The following TECPR1 variants were observed in gnomAD, a reference collection of about 807,000 sequenced individuals.
TECPR1 encodes tectonin beta-propeller repeat-containing protein 1.
A neutral mutation model predicts 162.4 loss-of-function variants in TECPR1; 122 were observed. That is an observed-to-expected ratio of 0.75 (90% confidence interval 0.65 to 0.87). The LOEUF is 0.87. Among genes scored for constraint, TECPR1 ranks in the 40% least tolerant of loss-of-function variants. The pLI is 0.00. For synonymous variants in TECPR1, 642 were observed against 670.6 expected, an observed-to-expected ratio of 0.96 and a Z score of 0.66; for missense variants, 1,432 against 1,618.2, an observed-to-expected ratio of 0.88 and a Z score of 1.97.
intron 22 of TECPR1, 54 bp downstream of exon 22, chr7:98,222,332 A>C: frequency 1.3e-6 from 2 of 1,574,430 alleles, no homozygotes; most frequent in Non-Finnish European, 1.7e-6. Context: ...TTCAGCAAAC[A>C]TCAGCTTGGA....
rs751773496 is a variant in TECPR1, at chr7:98,233,516, T to A, written c.1577A>T (p.Tyr526Phe). The change falls in exon 11 of 26, where the codon TAT becomes TTT. Residue 526 changes from tyrosine to phenylalanine, a missense_variant. Transcript: ENST00000447648. ...CCACAGCGGGTGGTCATCCACCCCATACGGCTCCTCCAAGCCCAGTGGGAG... is the reference window on the plus strand; with the variant it reads ...CCACAGCGGGTGGTCATCCACCCCAAACGGCTCCTCCAAGCCCAGTGGGAG... ...GLLPLGLEEP[Y>F]GVDDHPLWAW... 185 of 1,563,652 alleles carry A rather than the reference T, an allele frequency of 1.2e-4. 1 individual carries two copies. The highest frequency in any genetic ancestry group is 1.5e-4 in the Non-Finnish European group (176 of 1,158,770).
At position 98,231,236 on chromosome 7, in the gene TECPR1, G is replaced by A. The variant is rs1174531259; in HGVS notation, c.2112C>T (p.Asp704=). 3 of 1,612,650 alleles carry A rather than the reference G, an allele frequency of 1.9e-6. No homozygotes were observed. The East Asian group carries it at 6.7e-5, about 36-fold the overall frequency. ...ACCGACCACTCACCCAGTCATTCATGTCCTGCTCGGTGGCAGCAGCCAGAC... is the reference window on the plus strand; with the variant it reads ...ACCGACCACTCACCCAGTCATTCATATCCTGCTCGGTGGCAGCAGCCAGAC... ...PVRLAAATEQ[D]MNDWLALLSL... Residue 704 remains aspartate, a synonymous_variant, in exon 14 of 26, where the codon GAC becomes GAT. Coordinates refer to ENST00000447648, the MANE Select transcript of TECPR1 (RefSeq NM_015395.3).
chr7:98,221,110 T>G (rs2116532170), intron 23 of TECPR1, among the ~76,000 whole-genome samples: 1 of 151,184 alleles, frequency 6.6e-6, no homozygotes, highest in East Asian at 2.0e-4. Context: ...GAGACCAGCC[T>G]GGCCAATATG....
At chr7:98,239,827 C>A (rs1798700342) in intron 8 of TECPR1, among the ~76,000 whole-genome samples, 1 of 151,636 alleles carries the variant, frequency 6.6e-6, no homozygotes, top group Non-Finnish European at 1.5e-5. Context: ...AACCCTGTGA[C>A]TGGCCAGGCA....
At position 98,233,759 on chromosome 7, in the gene TECPR1, G is replaced by A. The variant is rs113639233; in HGVS notation, c.1334C>T (p.Ala445Val). The change falls in exon 11 of 26, where the codon GCC becomes GTC. Residue 445 changes from alanine to valine, a missense_variant. Physicochemically the swap from Ala to Val is moderately conservative, Grantham distance 64. Transcript: ENST00000447648. ...GGTCCTGCCAGCCCCCAGGCCTGAG[G>A]CTGAGTTCCCTGTGGCATTCTTGGA... ...DDSKNATGNS[A>V]SGLGAGRTAE... 1 of 1,612,700 alleles carries A rather than the reference G, an allele frequency of 6.2e-7. No individual in the cohort carries two copies.
At chr7:98,233,104 A>T (rs1031181499) in intron 11 of TECPR1, 132 bp from the exon 12 acceptor site, 4 of 1,144,062 alleles carry the variant, frequency 3.5e-6, no homozygotes, top group Non-Finnish European at 3.6e-6. Flanking sequence ...GCCTCCTTCC[A>T]CCCTTTGCCC....
chr7:98,237,537 C>T (rs960994265), intron 9 of TECPR1, among the ~76,000 whole-genome samples: 1 of 151,156 alleles, frequency 6.6e-6, no homozygotes, highest in Non-Finnish European at 1.5e-5. Flanking sequence ...GGCGTGATTT[C>T]GGCTCACTGC....
chr7:98,238,551 C>T lies in TECPR1; in HGVS notation c.993G>A (p.Met331Ile). 1 of 1,574,684 alleles carries T rather than the reference C, an allele frequency of 6.4e-7. No individual in the cohort carries two copies. Among genetic ancestry groups the T allele is most frequent in the East Asian group, 2.3e-5 (1 of 42,890 alleles). Residue 331 changes from methionine (M) to isoleucine (I), a missense_variant, in exon 9 of 26, where the codon ATG (methionine) becomes ATA (isoleucine). Physicochemically the swap from Met to Ile is conservative, Grantham distance 10 (BLOSUM62 1). Coordinates refer to ENST00000447648, the MANE Select transcript of TECPR1 (RefSeq NM_015395.3). ...HNPCGTSWIE[M>I]VGEMTMVNVG... Reference sequence around the variant, plus strand: ...CGTTCACCATCGTCATCTCACCAACCATCTCAATCCAACTGGTGCCGCAGG... The same window carrying T: ...CGTTCACCATCGTCATCTCACCAACTATCTCAATCCAACTGGTGCCGCAGG...
intron 6 of TECPR1, among the ~76,000 whole-genome samples, chr7:98,242,149 G>A (rs554547821): frequency 7.9e-5 from 12 of 152,340 alleles, no homozygotes; most frequent in East Asian, 1.9e-4. Flanking sequence ...CCAGGCCAAC[G>A]TGGCCGCAGA....
rs980691836 is a variant in TECPR1 at position 98,222,386 on chromosome 7, C to T, written c.3064G>A (p.Gly1022Ser). The change falls in exon 22 of 26, where the codon GGT becomes AGT. Residue 1022 changes from glycine to serine, a missense_variant and splice_region_variant. Coordinates refer to ENST00000447648, the MANE Select transcript of TECPR1 (RefSeq NM_015395.3). ...RGSVYPSQPAGDCWYHIPSPP... is the reference protein window; with the variant it reads ...RGSVYPSQPASDCWYHIPSPP... ...GGGGCTCCTGGGGCGCGGCACTCACCGGCTGGCTGCGAGGGGTACACGGAT... is the reference window on the plus strand; with the variant it reads ...GGGGCTCCTGGGGCGCGGCACTCACTGGCTGGCTGCGAGGGGTACACGGAT... 10 of 1,603,270 alleles carry T rather than the reference C, an allele frequency of 6.2e-6. No homozygotes were observed. The highest frequency in any genetic ancestry group is 1.1e-5 in the South Asian group (1 of 89,228).
chr7:98,221,946 C>T (rs1181660765), intron 22 of TECPR1, among the ~76,000 whole-genome samples, 193 bp from the exon 23 acceptor site: 2 of 152,112 alleles, frequency 1.3e-5, no homozygotes, highest in African/African-American at 2.4e-5. Flanking sequence ...TGGCGGGCTC[C>T]GATGGACTCA....
chr7:98,221,535 C>T, intron 23 of TECPR1, 126 bp downstream of exon 23: 1 of 749,008 alleles, frequency 1.3e-6, no homozygotes, highest in Non-Finnish European at 2.3e-6. Flanking sequence ...CCATGTTGGC[C>T]AGGCTGGTCT....
intron 10 of TECPR1, among the ~76,000 whole-genome samples, chr7:98,235,658 T>TG (rs1193632203): frequency 6.7e-6 from 1 of 149,396 alleles, no homozygotes; most frequent in African/African-American, 2.5e-5. Flanking sequence ...GGGGAAACCC[T>TG]GTCTCTACTA....
Position 98,231,799 on chromosome 7 carries a change from G to C in TECPR1, c.1974+5C>G. 1 of 1,609,692 alleles carries C rather than the reference G, an allele frequency of 6.2e-7. No individual in the cohort carries two copies. The highest frequency in any genetic ancestry group is 1.1e-5 in the South Asian group (1 of 90,978). ...GGCCCCATCTCCTGTGGGACCCGTG[G>C]GCACCTTCTTCTCCTCGTGGACCAC... On this transcript the variant is annotated splice_donor_5th_base_variant and intron_variant, in intron 13 of 25. Transcript: ENST00000447648.
Position 98,243,505 on chromosome 7 carries a change from C to G in TECPR1, c.619G>C (p.Gly207Arg). The G allele has an allele frequency of 6.2e-7, 1 of 1,612,652 alleles. No individual in the cohort carries two copies. Among genetic ancestry groups the G allele is most frequent in the Non-Finnish European group, 8.5e-7 (1 of 1,179,806 alleles). The part of the protein sequence containing the change: ...GGWEITEEPV[G>R]RLSVWAVSLQ... ...GACACAGCCCACACTGACAGGCGGC[C>G]CACAGGCTCCTCCGTGATCTCCCAG... The change falls in exon 6 of 26, where the codon GGC becomes CGC. Residue 207 changes from glycine to arginine, a missense_variant. Gly to Arg is a moderately radical substitution (Grantham distance 125). Coordinates refer to ENST00000447648, the MANE Select transcript of TECPR1 (RefSeq NM_015395.3).
intron 2 of TECPR1, among the ~76,000 whole-genome samples, chr7:98,249,951 C>T (rs1296159251): frequency 6.6e-6 from 1 of 151,992 alleles, no homozygotes; most frequent in Non-Finnish European, 1.5e-5. Flanking sequence ...AAACCAAGTC[C>T]CTTTCAGGTC....
Position 98,230,942 on chromosome 7 carries a change from C to T in TECPR1, c.2282+19G>A, listed in dbSNP as rs371046177. The stretch of plus-strand genomic sequence containing the variant: ...GTGAGGCCAGGCCCCAGACCCCACC[C>T]AGAGTGCGGCTCACTCACATCTGGT... On this transcript the variant is annotated intron_variant, in intron 15 of 25. Transcript: ENST00000447648. 217 of 1,603,602 alleles carry T rather than the reference C, an allele frequency of 1.4e-4. No homozygotes were observed. The highest frequency in any genetic ancestry group is 1.7e-4 in the Non-Finnish European group (198 of 1,174,746).
At chr7:98,224,353 C>T (rs1454884179) in intron 19 of TECPR1, among the ~76,000 whole-genome samples, 1 of 152,220 alleles carries the variant, frequency 6.6e-6, no homozygotes, top group Non-Finnish European at 1.5e-5. Context: ...CTCACACTGC[C>T]CCTTCACCTA....
At chr7:98,245,170 C>A (rs1798873654) in intron 3 of TECPR1, 103 bp from the exon 4 acceptor site, 5 of 1,285,140 alleles carry the variant, frequency 3.9e-6, no homozygotes, top group Non-Finnish European at 3.2e-6. Context: ...CCCAGCCGAC[C>A]CCCTCATTGA....
Sources: gnomAD v4.1 joint callset for allele counts (sites outside exome capture counted in the v4.1 genomes callset) on GRCh38, gnomAD v4.1.1 for gene constraint, MANE v1.5 for transcripts, NCBI Gene and HGNC (gene_info 2026-07-23, HGNC 2026-07-21) for gene names.